DTNA: variants seen among roughly 807,000 people sequenced by gnomAD.
DTNA encodes dystrobrevin alpha.
DTNA carries 43 observed loss-of-function variants against 100.7 expected under a neutral mutation model. The observed-to-expected ratio is 0.43, with a 90% CI of 0.33 to 0.55. The LOEUF (loss-of-function observed/expected upper bound fraction) is 0.55, where lower values mean the gene tolerates loss of function less well. DTNA is among the 20% of genes least tolerant of loss of function. DTNA has a pLI of 0.04. For synonymous variants in DTNA, 349 were observed against 347.9 expected (o/e 1.00, Z -0.04); for missense variants, 798 against 953.9 (o/e 0.84, Z 2.15).
At chr18:34,607,417 G>C (rs1466035343) in intron 1 of DTNA, among the ~76,000 whole-genome samples, 1 of 152,190 alleles carries the variant, frequency 6.6e-6, no homozygotes, top group East Asian at 1.9e-4. Context: ...ATTTCATGAT[G>C]CCTAGTTAGA....
intron 1 of DTNA, among the ~76,000 whole-genome samples, chr18:34,498,909 T>C (rs901765744): frequency 2.0e-5 from 3 of 152,240 alleles, no homozygotes; most frequent in African/African-American, 4.8e-5. Flanking sequence ...ATACTTTTAA[T>C]TAAACATTTT....
rs941229348 is a variant in DTNA at position 34,887,799 on chromosome 18, A to G, written c.*65A>G. ...TAGTCAGACAGATGATGAAAGTAAC[A>G]TGAAAACTGGTGATGATGGAGAGCC... On this transcript the variant is annotated 3_prime_UTR_variant, in exon 23 of 23. Transcript: ENST00000444659. The G allele has an allele frequency of 3.0e-6, 3 of 985,882 alleles. No homozygotes were observed. The highest frequency in any genetic ancestry group is 1.7e-5 in the African/African-American group (1 of 57,356). The allele number at this position is 985,882 out of a possible 1,614,324, so 61.1% of individuals were successfully genotyped here. A position where few individuals can be genotyped will look rare whatever the true frequency, so the allele number is the denominator to read the frequency against.
intron 1 of DTNA, among the ~76,000 whole-genome samples, chr18:34,557,654 G>T (rs1454270859): frequency 6.8e-6 from 1 of 147,910 alleles, no homozygotes; most frequent in Non-Finnish European, 1.5e-5. Flanking sequence ...GCCCCTGCTG[G>T]GGGGGTGCCT....
chr18:34,569,500 G>T (rs1049419686), intron 1 of DTNA, among the ~76,000 whole-genome samples: 1 of 152,126 alleles, frequency 6.6e-6, no homozygotes, highest in African/African-American at 2.4e-5. Context: ...AAAGCAAGGG[G>T]TGGGACTGAG....
chr18:34,556,599 A>G (rs374879807), intron 1 of DTNA, among the ~76,000 whole-genome samples: 4 of 152,130 alleles, frequency 2.6e-5, no homozygotes, highest in Middle Eastern at 6.8e-3. Context: ...TTGCTTGTCT[A>G]TAAAGTATTT....
intron 1 of DTNA, among the ~76,000 whole-genome samples, chr18:34,597,136 A>T (rs1449581040): frequency 6.6e-6 from 1 of 152,038 alleles, no homozygotes; most frequent in Non-Finnish European, 1.5e-5. Context: ...GTTTGCTGGG[A>T]ATGATGGTTT....
At position 34,765,986 on chromosome 18, in the gene DTNA, A is replaced by G. The variant is rs778817036; in HGVS notation, c.93A>G (p.Arg31=). The change falls in exon 3 of 23, where the codon CGA becomes CGG. Residue 31 remains arginine (R), a synonymous_variant. Transcript: ENST00000444659. The part of the protein sequence containing the change: ...EMRAQDLDRI[R]LSTYRTACKL... ...GGGCTCAAGATCTGGATCGCATCCG[A>G]CTCTCCACCTACAGAACAGCATGCA... 7.9e-5 allele frequency: 128 copies of G among 1,613,540 alleles called. 1 individual carries two copies. The South Asian group carries it at 1.3e-3, about 17-fold the overall frequency.
chr18:34,569,239 A>G (rs2047355257), intron 1 of DTNA, among the ~76,000 whole-genome samples: 1 of 152,168 alleles, frequency 6.6e-6, no homozygotes, highest in African/African-American at 2.4e-5. Flanking sequence ...CGTAAGGGAA[A>G]GGAAAGGAGG....
intron 1 of DTNA, among the ~76,000 whole-genome samples, chr18:34,546,003 A>G (rs1015924867): frequency 5.3e-5 from 8 of 152,106 alleles, no homozygotes; most frequent in Non-Finnish European, 1.2e-4. Flanking sequence ...GATCTATGGG[A>G]GGCTCGGCTC....
chr18:34,755,558 T>G, intron 1 of DTNA: 1 of 216,778 alleles, frequency 4.6e-6, no homozygotes, highest in South Asian at 7.3e-5. Flanking sequence ...CATCCTTCAT[T>G]CACCAAGTCC....
At chr18:34,760,619 C>T (rs927617413) in intron 2 of DTNA, among the ~76,000 whole-genome samples, 1 of 152,202 alleles carries the variant, frequency 6.6e-6, no homozygotes, top group African/African-American at 2.4e-5. Flanking sequence ...AAATACCTAT[C>T]ATCCCTGCCA....
chr18:34,818,466 C>T (rs572321063), intron 8 of DTNA, 136 bp downstream of exon 8: 8 of 1,535,634 alleles, frequency 5.2e-6, no homozygotes, highest in Non-Finnish European at 7.0e-6. Flanking sequence ...GTCCCCCTTC[C>T]TCCCACTCTC....
chr18:34,627,588 A>T (rs888942714), intron 1 of DTNA, among the ~76,000 whole-genome samples: 6 of 152,206 alleles, frequency 3.9e-5, no homozygotes, highest in African/African-American at 1.2e-4. Context: ...AGTCCCTTTC[A>T]ATATCTGCAA....
At chr18:34,825,279 A>G in intron 9 of DTNA, 2 of 1,613,410 alleles carry the variant, frequency 1.2e-6, no homozygotes, top group Non-Finnish European at 1.7e-6. Context: ...ATACTTGGTA[A>G]GTAGTGCAGT....
chr18:34,535,202 G>A (rs528946271), intron 1 of DTNA, among the ~76,000 whole-genome samples: 9 of 152,096 alleles, frequency 5.9e-5, no homozygotes, highest in African/African-American at 1.7e-4. Context: ...GTGTGAGATG[G>A]TATCTCATTG....
chr18:34,875,495 C>T (rs2096806242), intron 18 of DTNA, 97 bp downstream of exon 18: 1 of 1,556,466 alleles, frequency 6.4e-7, no homozygotes, highest in Non-Finnish European at 8.8e-7. Flanking sequence ...CCACATGTGA[C>T]TATTGTAGGG....
At chr18:34,538,275 G>A (rs2043915986) in intron 1 of DTNA, among the ~76,000 whole-genome samples, 1 of 152,008 alleles carries the variant, frequency 6.6e-6, no homozygotes, top group Admixed American at 6.6e-5. Flanking sequence ...TGTGGGGTTG[G>A]GGCCCAGCAA....
chr18:34,879,259 C>T (rs2096848986), intron 19 of DTNA, among the ~76,000 whole-genome samples: 2 of 152,180 alleles, frequency 1.3e-5, no homozygotes, highest in Middle Eastern at 3.4e-3. Flanking sequence ...AGTTAAGTCT[C>T]TTACAGAAAG....
rs749479883 is a variant in DTNA at position 34,539,363 on chromosome 18, CTTAAAG to C, written c.-2+45855_-2+45860del. The stretch of plus-strand genomic sequence containing the variant: ...TAAATTTGATTGTAGATTCTAGTTT[CTTAAAG>C]TTAAACTGAAAACAAAAAAGTACTC... On this transcript the variant is annotated intron_variant, in intron 1 of 19. Transcript: ENST00000283365. Among the ~76,000 whole-genome samples, 200 of 151,916 alleles carry C rather than the reference CTTAAAG, an allele frequency of 1.3e-3. 1 individual carries two copies. Among genetic ancestry groups the C allele is most frequent in the Non-Finnish European group, 1.6e-3 (110 of 67,854 alleles).
Sources: allele counts gnomAD v4.1 joint callset (sites outside exome capture counted in the v4.1 genomes callset), GRCh38; gene constraint gnomAD v4.1.1; transcripts MANE v1.5; gene names NCBI Gene and HGNC (gene_info 2026-07-23, HGNC 2026-07-21).